The following ACSM2B variants were observed in gnomAD, a reference collection of about 807,000 sequenced individuals.
The protein encoded by ACSM2B is acyl-coenzyme A synthetase ACSM2B, mitochondrial.
ACSM2B carries 58 observed loss-of-function variants against 78.6 expected under a neutral mutation model. The observed-to-expected ratio is 0.74, with a 90% CI of 0.60 to 0.92. The LOEUF (loss-of-function observed/expected upper bound fraction) is 0.92. ACSM2B is among the 40% of genes least tolerant of loss of function. The pLI, the probability that ACSM2B is intolerant of heterozygous loss-of-function variation, is 0.00. For synonymous variants in ACSM2B, 257 were observed against 256.8 expected (o/e 1.00, Z -0.01); for missense variants, 688 against 711.2 (o/e 0.97, Z 0.37).
At chr16:20,566,693 ATATAGTATATATATAGTATATATAG>A (rs1243590432) in intron 1 of ACSM2B, among the ~76,000 whole-genome samples, 3 of 3,926 alleles carry the variant, frequency 7.6e-4, no homozygotes, top group South Asian at 0.029. Flanking sequence ...TATATACTAT[ATATAGTATATATATAGTATATATAG>A]TATATACTAT....
At chr16:20,561,506 A>C (rs1471910462) in intron 2 of ACSM2B, among the ~76,000 whole-genome samples, 2 of 151,654 alleles carry the variant, frequency 1.3e-5, no homozygotes, top group Non-Finnish European at 2.9e-5. Flanking sequence ...GGATGGTGCT[A>C]AGTCATTCGT....
intron 2 of ACSM2B, among the ~76,000 whole-genome samples, chr16:20,560,333 T>C (rs2015613879): frequency 6.6e-6 from 1 of 151,912 alleles, no homozygotes; most frequent in Non-Finnish European, 1.5e-5. Flanking sequence ...GGTGATTGGA[T>C]CATGGGGGTG....
rs1418620140 is a variant in ACSM2B at position 20,536,672 on chromosome 16, TC to T, written c.*585del. 3.9e-5 allele frequency: 6 copies of T among 152,262 alleles called. No individual in the cohort carries two copies. The highest frequency in any genetic ancestry group is 1.4e-4 in the African/African-American group (6 of 41,558). The allele number at this position is 152,262 out of a possible 1,614,324, so 9.4% of individuals were successfully genotyped here. ...TATCTGTGGGAATATTTATAGGTTTTCCTCTTTACTTCCCTCTCTTCCTTTC... is the reference window on the plus strand; with the variant it reads ...TATCTGTGGGAATATTTATAGGTTTTCTCTTTACTTCCCTCTCTTCCTTTC... On this transcript the variant is annotated 3_prime_UTR_variant, in exon 14 of 14. Coordinates refer to ENST00000329697, the MANE Select transcript of ACSM2B (RefSeq NM_001105069.2).
rs28529579 is a variant in ACSM2B at position 20,555,246 on chromosome 16, G to C, written c.596+23C>G. The C allele has an allele frequency of 4.3e-3, 6,976 of 1,613,730 alleles. 270 individuals carry two copies. In the African/African-American group the frequency reaches 0.079, roughly 18 times the overall value. ...TGTTTCCAGTTTTAGTTAAAACCCA[G>C]GATGAGACATGTAGATACTCACTTT... On this transcript the variant is annotated intron_variant, in intron 4 of 13. Coordinates refer to ENST00000329697, the MANE Select transcript of ACSM2B (RefSeq NM_001105069.2).
chr16:20,575,326 T>C (rs1404371926), intron 1 of ACSM2B: 8 of 151,852 alleles, frequency 5.3e-5, no homozygotes, highest in Admixed American at 1.3e-4. Flanking sequence ...TATATATAAG[T>C]ATATATATGA....
At chr16:20,566,153 T>C (rs951603669) in intron 1 of ACSM2B, among the ~76,000 whole-genome samples, 4 of 143,982 alleles carry the variant, frequency 2.8e-5, no homozygotes, top group African/African-American at 7.6e-5. Context: ...GTTTATATAA[T>C]ATATATATAT....
chr16:20,575,656 C>T (rs1158926936), intron 1 of ACSM2B: 1 of 149,496 alleles, frequency 6.7e-6, no homozygotes, highest in South Asian at 2.2e-4. Context: ...GTGGGTCTGC[C>T]TCTCCCAGCC....
At chr16:20,564,612 T>A (rs1322069518) in intron 2 of ACSM2B, 57 bp downstream of exon 2, 27 of 1,571,694 alleles carry the variant, frequency 1.7e-5, no homozygotes, top group Non-Finnish European at 2.1e-5. Context: ...AATTAATGGA[T>A]GAATTTTAAA....
intron 5 of ACSM2B, among the ~76,000 whole-genome samples, chr16:20,553,046 CTTT>C (rs1292561013): frequency 6.6e-6 from 1 of 152,180 alleles, no homozygotes; most frequent in East Asian, 1.9e-4. Flanking sequence ...TTATCCCCAT[CTTT>C]TAGAAACTGC....
In ACSM2B at chr16:20,553,845, G is replaced by C. The variant is rs1346627042; in HGVS notation, c.672C>G (p.Thr224=). 2 of 1,613,744 alleles carry C rather than the reference G, an allele frequency of 1.2e-6. No individual in the cohort carries two copies. Among genetic ancestry groups the C allele is most frequent in the African/African-American group, 2.7e-5 (2 of 74,918 alleles). The part of the protein sequence containing the change: ...EASAIYFTSG[T]SGLPKMAEHS... ...GTTCTGCCATCTTGGGAAGACCACTGGTCCCACTAGTGAAGTAGATGGCAG... is the reference window on the plus strand; with the variant it reads ...GTTCTGCCATCTTGGGAAGACCACTCGTCCCACTAGTGAAGTAGATGGCAG... The change falls in exon 5 of 14, where the codon ACC becomes ACG. Residue 224 remains threonine (T), a synonymous_variant. Transcript: ENST00000329697.
chr16:20,549,888 A>G, intron 6 of ACSM2B: 1 of 401,368 alleles, frequency 2.5e-6, no homozygotes, highest in Non-Finnish European at 4.8e-6. Context: ...CCTGGGATCA[A>G]TAGAAAGGAA....
Position 20,558,603 on chromosome 16 carries a change from C to T in ACSM2B, c.388+634G>A, listed in dbSNP as rs569691629. On this transcript the variant is annotated intron_variant, in intron 3 of 13. Transcript: ENST00000329697. The stretch of plus-strand genomic sequence containing the variant: ...CTCTATCTCTTGGCAAAATCCTACT[C>T]ATCCTGCAGATCTCAGCTCAAATAT... Among the ~76,000 whole-genome samples the T allele has an allele frequency of 2.1e-3, 313 of 152,198 alleles. 2 individuals are homozygous for T. The highest frequency in any genetic ancestry group is 3.5e-3 in the Non-Finnish European group (240 of 68,026).
chr16:20,556,323 C>G (rs1424435912), intron 3 of ACSM2B, among the ~76,000 whole-genome samples: 6 of 152,152 alleles, frequency 3.9e-5, no homozygotes, highest in Non-Finnish European at 8.8e-5. Context: ...GACTTAGGGC[C>G]AGGCATGGTG....
At chr16:20,544,637 A>T (rs150930421) in intron 10 of ACSM2B, 5 of 985,146 alleles carry the variant, frequency 5.1e-6, no homozygotes, top group African/African-American at 1.7e-5. Context: ...AGCTTGAGCA[A>T]GTCTTGTAAT....
intron 8 of ACSM2B, chr16:20,547,332 T>G (rs2015171498): frequency 3.0e-6 from 3 of 985,284 alleles, no homozygotes; most frequent in Non-Finnish European, 3.6e-6. Flanking sequence ...GAGCTCTTCC[T>G]GGCTCTTTCA....
At position 20,561,054 on chromosome 16, in the gene ACSM2B, C is replaced by T. The variant is rs12917642; in HGVS notation, c.178-1607G>A. ...TTCAAGATTTGACCTGAATGTTTGA[C>T]GAATAGATAATGTTGCATATACATA... On this transcript the variant is annotated intron_variant, in intron 2 of 13. Coordinates refer to ENST00000329697, the MANE Select transcript of ACSM2B (RefSeq NM_001105069.2). 6.6e-4 allele frequency among the ~76,000 whole-genome samples: 98 copies of T among 149,150 alleles called. No homozygotes were observed. The East Asian group carries it at 0.012, about 18-fold the overall frequency.
chr16:20,570,046 T>C (rs2016051596), intron 1 of ACSM2B, among the ~76,000 whole-genome samples: 1 of 151,822 alleles, frequency 6.6e-6, no homozygotes, highest in African/African-American at 2.4e-5. Context: ...TTGGAGGACA[T>C]TTATTTCTTT....
At position 20,564,709 on chromosome 16, in the gene ACSM2B, A is replaced by G; in HGVS notation, c.137T>C (p.Phe46Ser). ...CCAGTGATCCAACACATCACTAGCAAAGTTAAACTTGGCCGGCACTTCCTG... is the reference window on the plus strand; with the variant it reads ...CCAGTGATCCAACACATCACTAGCAGAGTTAAACTTGGCCGGCACTTCCTG... ...GHQEVPAKFN[F>S]ASDVLDHWAD... The change falls in exon 2 of 14, where the codon TTT becomes TCT. Residue 46 changes from phenylalanine to serine, a missense_variant. Coordinates refer to ENST00000329697, the MANE Select transcript of ACSM2B (RefSeq NM_001105069.2). The G allele has an allele frequency of 1.2e-6, 2 of 1,613,612 alleles. No individual in the cohort carries two copies.
At chr16:20,550,721 A>G (rs2015288346) in intron 6 of ACSM2B, among the ~76,000 whole-genome samples, 1 of 152,200 alleles carries the variant, frequency 6.6e-6, no homozygotes, top group Non-Finnish European at 1.5e-5. Context: ...CTGGGGGCAC[A>G]GCAGGGAAAT....
Sources: gnomAD v4.1 joint callset for allele counts (sites outside exome capture counted in the v4.1 genomes callset) on GRCh38, gnomAD v4.1.1 for gene constraint, MANE v1.5 for transcripts, NCBI Gene and HGNC (gene_info 2026-07-23, HGNC 2026-07-21) for gene names.